OSTN: variants seen among roughly 807,000 people sequenced by gnomAD.
The protein encoded by OSTN is osteocrin.
Under a neutral mutation model 12.0 loss-of-function variants are expected in OSTN, and 9 were observed. That is an observed-to-expected ratio of 0.75 (90% CI 0.45 to 1.30). The LOEUF (loss-of-function observed/expected upper bound fraction) is 1.30, where lower values mean the gene tolerates loss of function less well. Ranked by LOEUF, OSTN falls within the 50% of genes most tolerant of loss-of-function variation. The pLI is 0.00. For synonymous variants in OSTN, 59 were observed against 56.9 expected, an observed-to-expected ratio of 1.04 and a Z score of -0.16; for missense variants, 148 against 152.3, an observed-to-expected ratio of 0.97 and a Z score of 0.15.
In OSTN at chr3:191,206,914, C is replaced by T. The variant is rs149413508; in HGVS notation, c.1-5619C>T. Among the ~76,000 whole-genome samples the T allele has an allele frequency of 3.2e-4, 49 of 152,192 alleles. No homozygotes were observed. In the East Asian group the frequency reaches 6.4e-3, roughly 20 times the overall value. ...AGTGGGTAAAGGGTAACCTGAAGAA[C>T]GTATTATGTTTTACAGACTTACTTA... is the stretch of plus-strand genomic sequence containing the variant. On this transcript the variant is annotated intron_variant, in intron 1 of 4. Coordinates refer to ENST00000682035, the MANE Select transcript of OSTN (RefSeq NM_198184.2).
At chr3:191,240,422 G>A (rs1320702683) in intron 3 of OSTN, among the ~76,000 whole-genome samples, 2 of 152,124 alleles carry the variant, frequency 1.3e-5, no homozygotes, top group African/African-American at 2.4e-5. Flanking sequence ...TTTTTCCTAA[G>A]TTTTCTAAGT....
intron 4 of OSTN, among the ~76,000 whole-genome samples, chr3:191,260,853 G>A (rs9817062): frequency 0.46 from 70,273 of 151,536 alleles, 17,375 homozygotes; most frequent in Non-Finnish European, 0.55. Context: ...GAAAAAGACT[G>A]TTTCTGGGAG....
chr3:191,210,448 A>T (rs1178729912), intron 1 of OSTN, among the ~76,000 whole-genome samples: 1 of 152,258 alleles, frequency 6.6e-6, no homozygotes, highest in African/African-American at 2.4e-5. Context: ...TTAAGGAAAT[A>T]TTTAGTGATG....
At chr3:191,243,180 T>C (rs932901591) in intron 3 of OSTN, among the ~76,000 whole-genome samples, 2 of 152,158 alleles carry the variant, frequency 1.3e-5, no homozygotes, top group African/African-American at 4.8e-5. Context: ...TTTGAAATAA[T>C]AGGAACTATC....
At chr3:191,258,021 C>G (rs888637428) in intron 4 of OSTN, among the ~76,000 whole-genome samples, 5 of 152,120 alleles carry the variant, frequency 3.3e-5, no homozygotes, top group Non-Finnish European at 5.9e-5. Context: ...ACTCACTAGT[C>G]TAAAAAGACA....
chr3:191,261,019 CAGAGAG>C (rs1006768864), intron 4 of OSTN, among the ~76,000 whole-genome samples: 1 of 152,036 alleles, frequency 6.6e-6, no homozygotes, highest in Admixed American at 6.5e-5. Context: ...GATCAGATTA[CAGAGAG>C]AGAGAGATAG....
chr3:191,213,789 T>A (rs1299531298), intron 2 of OSTN, among the ~76,000 whole-genome samples: 2 of 151,902 alleles, frequency 1.3e-5, no homozygotes, highest in Non-Finnish European at 2.9e-5. Flanking sequence ...AGATTAAGGA[T>A]GTTTCTTAAA....
At chr3:191,207,844 C>T (rs1714317574) in intron 1 of OSTN, among the ~76,000 whole-genome samples, 2 of 152,182 alleles carry the variant, frequency 1.3e-5, no homozygotes, top group Non-Finnish European at 2.9e-5. Flanking sequence ...TTATACCTCA[C>T]TGCGTTATTC....
chr3:191,239,994 T>C (rs1715283926), intron 3 of OSTN, among the ~76,000 whole-genome samples: 2 of 152,260 alleles, frequency 1.3e-5, no homozygotes, highest in Admixed American at 6.5e-5. Context: ...AGACACACTT[T>C]ATGTTCAGCT....
chr3:191,241,849 A>C (rs1365662596), intron 3 of OSTN, among the ~76,000 whole-genome samples: 1 of 152,174 alleles, frequency 6.6e-6, no homozygotes, highest in African/African-American at 2.4e-5. Flanking sequence ...AACCAAAAAG[A>C]AGGTGCAATT....
rs571895623 is a variant in OSTN, at chr3:191,262,856, G to A, written c.*13-10G>A. 48 of 701,794 alleles carry A rather than the reference G, an allele frequency of 6.8e-5. 1 individual carries two copies. Among genetic ancestry groups the A allele is most frequent in the African/African-American group, 1.2e-4 (7 of 57,326 alleles). The allele number at this position is 701,794 out of a possible 1,614,324, so 43.5% of individuals were successfully genotyped here. A position where few individuals can be genotyped will look rare whatever the true frequency, so the allele number is the denominator to read the frequency against. ...ATTAGCTTTAACAATCTCAACTTTCGTTTTTGCAGATGCAACTTCCTTGGG... is the reference window on the plus strand; with the variant it reads ...ATTAGCTTTAACAATCTCAACTTTCATTTTTGCAGATGCAACTTCCTTGGG... On this transcript the variant is annotated splice_polypyrimidine_tract_variant and intron_variant, in intron 4 of 4. Transcript: ENST00000682035.
At chr3:191,261,987 C>T (rs556012153) in intron 4 of OSTN, among the ~76,000 whole-genome samples, 5 of 152,208 alleles carry the variant, frequency 3.3e-5, no homozygotes, top group African/African-American at 1.2e-4. Context: ...GAGACCGAGG[C>T]GGGTGGATCA....
chr3:191,253,153 G>T (rs551747555), intron 4 of OSTN, among the ~76,000 whole-genome samples: 46 of 152,172 alleles, frequency 3.0e-4, no homozygotes, highest in Non-Finnish European at 6.5e-4. Flanking sequence ...TTTCTAAGAC[G>T]AACAGAAATG....
At chr3:191,235,091 G>GA (rs1715156904) in intron 3 of OSTN, among the ~76,000 whole-genome samples, 1 of 152,090 alleles carries the variant, frequency 6.6e-6, no homozygotes, top group Non-Finnish European at 1.5e-5. Context: ...GTCATAATCA[G>GA]AAAAAACAGC....
chr3:191,221,560 G>T lies in OSTN; in HGVS notation c.317+2599G>T, dbSNP rs564013923. On this transcript the variant is annotated intron_variant, in intron 3 of 4. Transcript: ENST00000682035. ...GTCACTCTTGCAATGCAAAGAGATT[G>T]ATAGCATTTTGCCCCTGCCCTAGAG... Among the ~76,000 whole-genome samples the T allele has an allele frequency of 2.6e-5, 4 of 152,284 alleles. No homozygotes were observed. The South Asian group carries it at 8.3e-4, about 32-fold the overall frequency.
chr3:191,201,388 T>C (rs1484206258), intron 1 of OSTN, among the ~76,000 whole-genome samples: 1 of 152,174 alleles, frequency 6.6e-6, no homozygotes, highest in Non-Finnish European at 1.5e-5. Context: ...ATTTGACAAT[T>C]TTTAATGATT....
chr3:191,246,184 G>A (rs769733184), intron 3 of OSTN, among the ~76,000 whole-genome samples: 4 of 151,628 alleles, frequency 2.6e-5, no homozygotes, highest in Non-Finnish European at 4.4e-5. Context: ...TTCCCCAGCC[G>A]CTATTTCCTT....
chr3:191,212,209 GT>G (rs1454585621), intron 1 of OSTN, among the ~76,000 whole-genome samples: 1 of 152,118 alleles, frequency 6.6e-6, no homozygotes, highest in Non-Finnish European at 1.5e-5. Context: ...CATATATAAT[GT>G]TGTAATCTCT....
intron 3 of OSTN, among the ~76,000 whole-genome samples, chr3:191,246,348 G>A (rs1560123600): frequency 6.6e-6 from 1 of 152,050 alleles, no homozygotes; most frequent in Non-Finnish European, 1.5e-5. Flanking sequence ...GCTCACGCCA[G>A]TAATCCCAGA....
Sources: gnomAD v4.1 joint callset for allele counts (sites outside exome capture counted in the v4.1 genomes callset) on GRCh38, gnomAD v4.1.1 for gene constraint, MANE v1.5 for transcripts, NCBI Gene and HGNC (gene_info 2026-07-23, HGNC 2026-07-21) for gene names.